Variants in QDPR observed in about 807,000 individuals in gnomAD.
The protein encoded by QDPR is quinoid dihydropteridine reductase.
QDPR carries 23 observed loss-of-function variants against 31.7 expected under a neutral mutation model. The observed-to-expected ratio is 0.73, with a 90% CI of 0.52 to 1.03. The LOEUF (loss-of-function observed/expected upper bound fraction) is 1.03. Ranked by LOEUF, QDPR falls within the 50% of genes least tolerant of loss-of-function variation. The pLI is 0.00. For missense variants in QDPR, 324 were observed against 323.8 expected, an observed-to-expected ratio of 1.00 and a Z score of 0.00; for synonymous variants, 124 against 124.7, an observed-to-expected ratio of 0.99 and a Z score of 0.03.
At chr4:17,511,615 A>C (rs958384865) in intron 1 of QDPR, among the ~76,000 whole-genome samples, 6 of 152,050 alleles carry the variant, frequency 3.9e-5, no homozygotes, top group African/African-American at 1.4e-4. Context: ...GTCTCATTCT[A>C]GAGCCTTCCT....
intron 6 of QDPR, among the ~76,000 whole-genome samples, chr4:17,487,668 A>G (rs1325983365): frequency 6.6e-6 from 1 of 151,186 alleles, no homozygotes; most frequent in Non-Finnish European, 1.5e-5. Context: ...ATAAATAAAT[A>G]AAAGCCACTA....
chr4:17,509,162 A>G, intron 2 of QDPR, 109 bp downstream of exon 2: 1 of 906,652 alleles, frequency 1.1e-6, no homozygotes, highest in Non-Finnish European at 1.8e-6. Context: ...CGTCTCGGGG[A>G]AAAAAAGAAA....
intron 2 of QDPR, among the ~76,000 whole-genome samples, chr4:17,508,426 A>C (rs1718865984): frequency 6.6e-6 from 1 of 152,248 alleles, no homozygotes; most frequent in South Asian, 2.1e-4. Context: ...ACAGTAGAGC[A>C]AGACTCTCTT....
At chr4:17,511,352 G>A (rs567303096) in intron 1 of QDPR, among the ~76,000 whole-genome samples, 2 of 152,316 alleles carry the variant, frequency 1.3e-5, no homozygotes, top group South Asian at 2.1e-4. Context: ...GCGTTTTTCC[G>A]TGCTGAGCCT....
rs60192738 is a variant in QDPR, at chr4:17,489,377, T to C, written c.629+1285A>G. On this transcript the variant is annotated intron_variant, in intron 6 of 6. Transcript: ENST00000281243. ...ATCTAGAGTAGGTCTTAGATCAGTATCTCAAGTGTGGTGGGAGTGTCGGCC... is the reference window on the plus strand; with the variant it reads ...ATCTAGAGTAGGTCTTAGATCAGTACCTCAAGTGTGGTGGGAGTGTCGGCC... Among the ~76,000 whole-genome samples the C allele has an allele frequency of 7.3e-3, 1,105 of 152,312 alleles. 7 individuals carry two copies. The highest frequency in any genetic ancestry group is 0.025 in the African/African-American group (1,049 of 41,558).
chr4:17,495,192 G>A (rs1346847957), intron 4 of QDPR, among the ~76,000 whole-genome samples: 1 of 152,216 alleles, frequency 6.6e-6, no homozygotes, highest in Non-Finnish European at 1.5e-5. Flanking sequence ...ACTGTGGCAT[G>A]ACGGGGATGG....
intron 4 of QDPR, among the ~76,000 whole-genome samples, chr4:17,500,194 C>G (rs1157570333): frequency 6.6e-6 from 1 of 152,150 alleles, no homozygotes; most frequent in Non-Finnish European, 1.5e-5. Context: ...ACCTCATGAT[C>G]CACCCGCCTT....
chr4:17,487,299 C>G, intron 6 of QDPR, 63 bp from the exon 7 acceptor site: 1 of 1,209,932 alleles, frequency 8.3e-7, no homozygotes, highest in Non-Finnish European at 1.2e-6. Context: ...ACATGCTGAC[C>G]TTCACAGTGA....
intron 4 of QDPR, among the ~76,000 whole-genome samples, chr4:17,493,710 C>T (rs918484379): frequency 4.6e-5 from 7 of 152,164 alleles, no homozygotes; most frequent in Admixed American, 2.0e-4. Context: ...TCCCAGTGCC[C>T]TCCATGTGTT....
intron 1 of QDPR, among the ~76,000 whole-genome samples, 186 bp from the exon 2 acceptor site, chr4:17,509,549 G>A (rs1404872862): frequency 6.6e-6 from 1 of 152,022 alleles, no homozygotes; most frequent in East Asian, 1.9e-4. Flanking sequence ...AACATAGCAA[G>A]ACCCAGTCCC....
At chr4:17,493,874 GC>G (rs990190588) in intron 4 of QDPR, among the ~76,000 whole-genome samples, 11 of 152,124 alleles carry the variant, frequency 7.2e-5, no homozygotes, top group African/African-American at 2.7e-4. Context: ...CTGTCTAGGG[GC>G]CCCAACCTAC....
intron 6 of QDPR, among the ~76,000 whole-genome samples, chr4:17,489,680 C>T (rs929836289): frequency 3.3e-5 from 5 of 152,140 alleles, no homozygotes; most frequent in African/African-American, 9.7e-5. Context: ...TTGCTATGAG[C>T]ATTAAATAAG....
chr4:17,496,485 AGCTCT>A (rs1206251363), intron 4 of QDPR, among the ~76,000 whole-genome samples: 5 of 144,424 alleles, frequency 3.5e-5, no homozygotes, highest in African/African-American at 1.3e-4. Context: ...ACAAACTGGT[AGCTCT>A]GTTCATTAAA....
chr4:17,503,912 T>C (rs993194243), intron 3 of QDPR, among the ~76,000 whole-genome samples: 3 of 151,416 alleles, frequency 2.0e-5, no homozygotes, highest in African/African-American at 7.3e-5. Context: ...GATTACACCA[T>C]TGCACTCCAG....
intron 4 of QDPR, 77 bp from the exon 5 acceptor site, chr4:17,492,417 G>T: frequency 8.5e-7 from 1 of 1,173,622 alleles, no homozygotes; most frequent in Non-Finnish European, 1.3e-6. Flanking sequence ...CTTCTCTTGA[G>T]ATCTCTATTC....
intron 4 of QDPR, among the ~76,000 whole-genome samples, chr4:17,498,212 C>A (rs1718433762): frequency 6.6e-6 from 1 of 152,148 alleles, no homozygotes; most frequent in African/African-American, 2.4e-5. Context: ...CATCGCAAGT[C>A]CAGCGGGAGG....
Position 17,504,400 on chromosome 4 carries a change from C to G in QDPR, c.274G>C (p.Gly92Arg). 6.2e-7 allele frequency: 1 copy of G among 1,614,054 alleles called. No individual in the cohort carries two copies. The highest frequency in any genetic ancestry group is 8.5e-7 in the Non-Finnish European group (1 of 1,179,916). ...AILCVAGGWA[G>R]GNAKSKSLFK... ...TCACACTTGGATTTGGCATTGCCCC[C>G]GGCCCATCCTCCAGCAACGCAAAGA... is the stretch of plus-strand genomic sequence containing the variant. Residue 92 changes from glycine (G) to arginine (R), a missense_variant, in exon 3 of 7, where the codon GGG becomes CGG. Gly to Arg is a moderately radical substitution (Grantham distance 125, BLOSUM62 -2). Transcript: ENST00000281243.
chr4:17,509,495 G>A, intron 1 of QDPR, 132 bp from the exon 2 acceptor site: 1 of 781,078 alleles, frequency 1.3e-6, no homozygotes, highest in Non-Finnish European at 2.2e-6. Flanking sequence ...GGGAGCCAAT[G>A]TGGGAGGATC....
rs747311750 is a variant in QDPR, at chr4:17,496,442, C to CAAAAAAAAAAAAAAAAAAAAAA, written c.437-4124_437-4103dup. Among the ~76,000 whole-genome samples the CAAAAAAAAAAAAAAAAAAAAAA allele has an allele frequency of 1.1e-4, 7 of 64,618 alleles. 1 individual carries two copies. The highest frequency in any genetic ancestry group is 1.1e-4 in the Non-Finnish European group (4 of 35,374). The allele number at this position is 64,618 out of a possible 152,430, so 42.4% of individuals were successfully genotyped here. A position where few individuals can be genotyped will look rare whatever the true frequency, so the allele number is the denominator to read the frequency against. On this transcript the variant is annotated intron_variant, in intron 4 of 6. Transcript: ENST00000281243. ...CTGGGCAATAAGGGCAAAACTGTCT[C>CAAAAAAAAAAAAAAAAAAAAAA]AAAAAAAAAAAAAAAAAAAAAAAAA...
Sources: gnomAD v4.1 joint callset for allele counts (sites outside exome capture counted in the v4.1 genomes callset) on GRCh38, gnomAD v4.1.1 for gene constraint, MANE v1.5 for transcripts, NCBI Gene and HGNC (gene_info 2026-07-23, HGNC 2026-07-21) for gene names.